SPMIP2: variants seen among roughly 807,000 people sequenced by gnomAD.
The protein encoded by SPMIP2 is sperm microtubule inner protein 2.
At chr4:159,060,138 G>A in the SPMIP2 span, among the ~76,000 whole-genome samples, 2 of 152,144 alleles carry the variant, frequency 1.3e-5, no homozygotes, top group Non-Finnish European at 1.5e-5. Context: ...ATATCCTGAG[G>A]TTTCCAGAAT....
the SPMIP2 span, among the ~76,000 whole-genome samples, chr4:158,999,305 T>A: frequency 6.6e-6 from 1 of 152,250 alleles, no homozygotes; most frequent in Non-Finnish European, 1.5e-5. Flanking sequence ...ATAGACAAGT[T>A]AAATGTAATT....
the SPMIP2 span, among the ~76,000 whole-genome samples, chr4:158,989,773 A>C: frequency 6.6e-6 from 1 of 152,258 alleles, no homozygotes; most frequent in Non-Finnish European, 1.5e-5. Context: ...AAAACCATAA[A>C]ATCCCTAGAA....
At chr4:158,914,465 A>G in the SPMIP2 span, among the ~76,000 whole-genome samples, 3 of 152,178 alleles carry the variant, frequency 2.0e-5, no homozygotes, top group African/African-American at 7.2e-5. Flanking sequence ...TGCGTAGGGA[A>G]CAGGAGTCTC....
chr4:158,917,216 C>T, the SPMIP2 span, among the ~76,000 whole-genome samples: 2 of 152,066 alleles, frequency 1.3e-5, no homozygotes, highest in Non-Finnish European at 2.9e-5. Context: ...CACCACTGCA[C>T]TCCAGCCTGG....
chr4:158,996,904 C>T, the SPMIP2 span, among the ~76,000 whole-genome samples: 1 of 152,170 alleles, frequency 6.6e-6, no homozygotes, highest in African/African-American at 2.4e-5. Context: ...ACTGGAATTT[C>T]GATGACTGGC....
At chr4:159,046,861 C>T in the SPMIP2 span, among the ~76,000 whole-genome samples, 1 of 152,260 alleles carries the variant, frequency 6.6e-6, no homozygotes, top group African/African-American at 2.4e-5. Context: ...GCGTGAGCAA[C>T]TACGCCCAGC....
chr4:158,964,296 T>C, the SPMIP2 span, among the ~76,000 whole-genome samples: 1 of 152,176 alleles, frequency 6.6e-6, no homozygotes, highest in Non-Finnish European at 1.5e-5. Context: ...AGTTCAGCTC[T>C]ACAACCATGA....
chr4:158,964,164 AAACAAAAC>A, the SPMIP2 span, among the ~76,000 whole-genome samples: 70 of 111,266 alleles, frequency 6.3e-4, 2 homozygotes, highest in East Asian at 7.8e-3. Flanking sequence ...AAACAAAACA[AAACAAAAC>A]AAAACAAAAC....
chr4:159,037,783 T>TACACACACACACAC, the SPMIP2 span, among the ~76,000 whole-genome samples: 1 of 97,604 alleles, frequency 1.0e-5, no homozygotes, highest in African/African-American at 3.7e-5. Context: ...AAAAACAATA[T>TACACACACACACAC]ATACACACAC....
At chr4:158,990,116 A>C in the SPMIP2 span, among the ~76,000 whole-genome samples, 1 of 152,238 alleles carries the variant, frequency 6.6e-6, no homozygotes, top group Non-Finnish European at 1.5e-5. Flanking sequence ...ACCAATAAAC[A>C]TATGAAAAAA....
the SPMIP2 span, among the ~76,000 whole-genome samples, chr4:158,963,228 T>C: frequency 6.6e-6 from 1 of 152,124 alleles, no homozygotes; most frequent in Non-Finnish European, 1.5e-5. Flanking sequence ...TTTACACATG[T>C]CTCTATCCAT....
chr4:159,006,056 G>A, the SPMIP2 span, among the ~76,000 whole-genome samples: 6 of 152,208 alleles, frequency 3.9e-5, no homozygotes, highest in African/African-American at 7.2e-5. Context: ...GAGCCACCGC[G>A]CCTGACCCTC....
At chr4:158,917,104 G>A in the SPMIP2 span, among the ~76,000 whole-genome samples, 18 of 152,184 alleles carry the variant, frequency 1.2e-4, no homozygotes. Flanking sequence ...CAAAAAATTA[G>A]CCAGGTGTAA....
At chr4:158,998,269 G>A in the SPMIP2 span, among the ~76,000 whole-genome samples, 1 of 152,144 alleles carries the variant, frequency 6.6e-6, no homozygotes, top group East Asian at 1.9e-4. Context: ...AGCCAGATTT[G>A]GCACATGAGC....
At chr4:159,007,428 T>C in the SPMIP2 span, 1 of 670,564 alleles carries the variant, frequency 1.5e-6, no homozygotes, top group Non-Finnish European at 2.8e-6. Flanking sequence ...CTGTTCCTGC[T>C]TGCCCTGGTT....
chr4:158,987,202 A>G, the SPMIP2 span, among the ~76,000 whole-genome samples: 3 of 148,484 alleles, frequency 2.0e-5, no homozygotes, highest in Non-Finnish European at 4.5e-5. Flanking sequence ...ATCTAGTTCA[A>G]CCATTGTGGA....
At chr4:159,072,805 T>C in the SPMIP2 span, among the ~76,000 whole-genome samples, 1 of 152,174 alleles carries the variant, frequency 6.6e-6, no homozygotes, top group Non-Finnish European at 1.5e-5. Flanking sequence ...CCAGTAATAA[T>C]ATAATTGCTC....
the SPMIP2 span, among the ~76,000 whole-genome samples, chr4:159,057,578 GTTCA>G: frequency 6.6e-6 from 1 of 152,214 alleles, no homozygotes; most frequent in Non-Finnish European, 1.5e-5. Context: ...TCTCAAAAAT[GTTCA>G]TTTTTGAAAA....
chr4:158,926,485 T>C, the SPMIP2 span, among the ~76,000 whole-genome samples: 3 of 152,196 alleles, frequency 2.0e-5, no homozygotes, highest in African/African-American at 7.2e-5. Flanking sequence ...TTTTTAATTA[T>C]TGATTTTAAA....
Sources: gnomAD v4.1 joint callset for allele counts (sites outside exome capture counted in the v4.1 genomes callset) on GRCh38, gnomAD v4.1.1 for gene constraint, MANE v1.5 for transcripts, NCBI Gene and HGNC (gene_info 2026-07-23, HGNC 2026-07-21) for gene names.